MBL2: variants seen among roughly 807,000 people sequenced by gnomAD.
MBL2 encodes mannose binding lectin 2.
Under a neutral mutation model 12.7 loss-of-function variants are expected in MBL2, and 6 were observed. The observed-to-expected ratio is 0.47, with a 90% CI of 0.26 to 0.94. MBL2 has a LOEUF of 0.94. MBL2 is among the 40% of genes least tolerant of loss of function. MBL2 has a pLI of 0.15. For missense variants in MBL2, 307 were observed against 295.2 expected (o/e 1.04, Z -0.29); for synonymous variants, 114 against 112.0 (o/e 1.02, Z -0.11).
In MBL2 at chr10:52,768,193, A is replaced by T. The variant is rs777379872; in HGVS notation, c.691T>A (p.Trp231Arg). The T allele has an allele frequency of 6.2e-7, 1 of 1,613,388 alleles. No homozygotes were observed. Among genetic ancestry groups the T allele is most frequent in the South Asian group, 1.1e-5 (1 of 91,024 alleles). The change falls in exon 5 of 5, where the codon TGG becomes AGG. Residue 231 changes from tryptophan to arginine, a missense_variant. Transcript: ENST00000674931. The part of the protein sequence containing the change: ...DCVLLLKNGQ[W>R]NDVPCSTSHL... ...GAGGTGGAGCAGGGGACGTCATTCC[A>T]CTGGCCATTTTTCAGTAGCAATACA...
At chr10:52,769,393 T>C (rs935560008) in intron 3 of MBL2, 78 bp from the exon 4 acceptor site, 1 of 738,512 alleles carries the variant, frequency 1.4e-6, no homozygotes, top group African/African-American at 1.8e-5. Context: ...GAGTGGAGTA[T>C]CTTTTTCAAA....
chr10:52,771,682 T>G (rs1338704727), intron 1 of MBL2, 38 bp from the exon 2 acceptor site: 2 of 1,585,582 alleles, frequency 1.3e-6, no homozygotes, highest in African/African-American at 2.7e-5. Context: ...TAATCTCAGT[T>G]AATGAACACA....
intron 3 of MBL2, among the ~76,000 whole-genome samples, 185 bp from the exon 4 acceptor site, chr10:52,769,500 C>T (rs186462213): frequency 4.6e-5 from 7 of 152,244 alleles, no homozygotes; most frequent in African/African-American, 1.4e-4. Flanking sequence ...TATTTCCATC[C>T]AACCCCAAAT....
At chr10:52,772,642 C>G (rs147795464) in intron 1 of MBL2, 95 bp downstream of exon 1, 1 of 655,498 alleles carries the variant, frequency 1.5e-6, no homozygotes, top group Non-Finnish European at 1.9e-6. Flanking sequence ...CCACTCCCCC[C>G]ACCCCTAGAA....
At chr10:52,770,174 A>G (rs2132693193) in intron 3 of MBL2, among the ~76,000 whole-genome samples, 1 of 152,356 alleles carries the variant, frequency 6.6e-6, no homozygotes, top group African/African-American at 2.4e-5. Context: ...TCAGTTGACC[A>G]CAGACATGTG....
Position 52,768,367 on chromosome 10 carries a change from C to T in MBL2, c.517G>A (p.Ala173Thr). Residue 173 changes from alanine (A) to threonine (T), a missense_variant, in exon 5 of 5, where the codon GCC (alanine) becomes ACC (threonine). Transcript: ENST00000674931. ...ATPRNAAENG[A>T]IQNLIKEEAF... ...TCCTCCTTGATGAGATTCTGAATGG[C>T]TCCATTCTCTGCAGCATTCCTGGGG... 6.2e-7 allele frequency: 1 copy of T among 1,613,902 alleles called. No homozygotes were observed. The highest frequency in any genetic ancestry group is 1.1e-5 in the South Asian group (1 of 91,084).
Position 52,771,641 on chromosome 10 carries a change from T to C in MBL2, c.-6A>G, listed in dbSNP as rs376862775. On this transcript the variant is annotated 5_prime_UTR_variant, in exon 2 of 5. Coordinates refer to ENST00000674931, the MANE Select transcript of MBL2 (RefSeq NM_001378373.1). Reference sequence around the variant, plus strand: ...AGTGATGGAAACAGGGACATGGTCCTCACCTTGGTGTGAGAAAACTCAGGG... The same window carrying C: ...AGTGATGGAAACAGGGACATGGTCCCCACCTTGGTGTGAGAAAACTCAGGG... 2.5e-6 allele frequency: 4 copies of C among 1,612,648 alleles called. No individual in the cohort carries two copies. In the African/African-American group the frequency reaches 5.3e-5, roughly 22 times the overall value.
rs1840324722 is a variant in MBL2 at position 52,767,512 on chromosome 10, G to T, written c.*625C>A. ...GAGGAGTTATAACGGGGCTTCTAGGGAGTCAAAAATGTCCCATATCTTAAT... is the reference window on the plus strand; with the variant it reads ...GAGGAGTTATAACGGGGCTTCTAGGTAGTCAAAAATGTCCCATATCTTAAT... On this transcript the variant is annotated 3_prime_UTR_variant, in exon 5 of 5. Transcript: ENST00000674931. 6.6e-6 allele frequency: 1 copy of T among 151,894 alleles called. No individual in the cohort carries two copies. Among genetic ancestry groups the T allele is most frequent in the Non-Finnish European group, 1.5e-5 (1 of 68,016 alleles). 9.4% of individuals were successfully genotyped at this position (151,894 alleles called of 1,614,324 possible).
At chr10:52,771,781 G>T in intron 1 of MBL2, 137 bp from the exon 2 acceptor site, 1 of 1,277,536 alleles carries the variant, frequency 7.8e-7, no homozygotes, top group African/African-American at 1.5e-5. Flanking sequence ...CTGGGGATTT[G>T]GAAAAGTAAA....
At chr10:52,770,861 CCCTTCTCAGGAGAAAGGAGA>C in intron 2 of MBL2, 75 bp from the exon 3 acceptor site, 1 of 798,000 alleles carries the variant, frequency 1.3e-6, no homozygotes, top group Non-Finnish European at 1.8e-6. Context: ...GATGCCCAAT[CCCTTCTCAGGAGAAAGGAGA>C]CCTTGACCCA....
At chr10:52,769,220 G>T (rs1366526116) in intron 4 of MBL2, 27 bp downstream of exon 4, 2 of 1,540,748 alleles carry the variant, frequency 1.3e-6, no homozygotes, top group Non-Finnish European at 1.8e-6. Flanking sequence ...ACTTCAAGCT[G>T]CCTGGAGAGT....
At position 52,768,476 on chromosome 10, in the gene MBL2, G is replaced by C; in HGVS notation, c.408C>G (p.Asn136Lys). Reference protein sequence around the residue: ...LTFSLGKQVGNKFFLTNGEIM... With the variant: ...LTFSLGKQVGKKFFLTNGEIM... ...TTTCACCATTGGTCAGGAAGAACTT[G>C]TTCCCAACTTGTTTGCCCAGAGAGA... Residue 136 changes from asparagine to lysine, a missense_variant, in exon 5 of 5, where the codon AAC becomes AAG. Transcript: ENST00000674931. 1.3e-6 allele frequency: 2 copies of C among 1,588,870 alleles called. No homozygotes were observed. The highest frequency in any genetic ancestry group is 1.7e-6 in the Non-Finnish European group (2 of 1,169,284).
At chr10:52,768,640 A>G in intron 4 of MBL2, 130 bp from the exon 5 acceptor site, 1 of 609,440 alleles carries the variant, frequency 1.6e-6, no homozygotes, top group South Asian at 3.0e-5. Context: ...TGAATTTCAG[A>G]CAAACAATGA....
chr10:52,770,870 G>A (rs1449505801), intron 2 of MBL2, 84 bp from the exon 3 acceptor site: 5 of 700,960 alleles, frequency 7.1e-6, no homozygotes, highest in Non-Finnish European at 1.1e-5. Flanking sequence ...TCCCTTCTCA[G>A]GAGAAAGGAG....
At position 52,770,652 on chromosome 10, in the gene MBL2, C is replaced by T. The variant is rs771714675; in HGVS notation, c.304+18G>A. ...GAACCCTGGGTGAAGTCAGCTCAGA[C>T]CTTGCTGGGGTCCTTACCCGGACTT... On this transcript the variant is annotated intron_variant, in intron 3 of 4. Coordinates refer to ENST00000674931, the MANE Select transcript of MBL2 (RefSeq NM_001378373.1). The T allele has an allele frequency of 2.1e-6, 3 of 1,404,840 alleles. No homozygotes were observed. Among genetic ancestry groups the T allele is most frequent in the Non-Finnish European group, 1.9e-6 (2 of 1,060,112 alleles). 87.0% of individuals were successfully genotyped at this position (1,404,840 alleles called of 1,614,324 possible). A position where few individuals can be genotyped will look rare whatever the true frequency, so the allele number is the denominator to read the frequency against.
At chr10:52,771,317 G>A (rs946764022) in intron 2 of MBL2, 132 bp downstream of exon 2, 21 of 1,022,362 alleles carry the variant, frequency 2.1e-5, no homozygotes, top group Middle Eastern at 3.3e-4. Context: ...GAGAATGAGA[G>A]CTGAATCTCT....
intron 1 of MBL2, among the ~76,000 whole-genome samples, chr10:52,772,027 C>T (rs1197483979): frequency 1.3e-5 from 1 of 78,856 alleles, no homozygotes; most frequent in Non-Finnish European, 2.4e-5. Flanking sequence ...TAGGAGCTTC[C>T]TCTTTCTCTC....
At chr10:52,771,382 C>T in intron 2 of MBL2, 67 bp downstream of exon 2, 1 of 1,566,098 alleles carries the variant, frequency 6.4e-7, no homozygotes, top group Non-Finnish European at 8.7e-7. Context: ...CATCAGTCTC[C>T]TCATATCCCC....
In MBL2 at chr10:52,768,227, A is replaced by C. The variant is rs1236701333; in HGVS notation, c.657T>G (p.Asp219Glu). The C allele has an allele frequency of 6.2e-7, 1 of 1,613,812 alleles. No individual in the cohort carries two copies. Among genetic ancestry groups the C allele is most frequent in the Non-Finnish European group, 8.5e-7 (1 of 1,179,996 alleles). ...TTTTCAGTAGCAATACACAATCTTC[A>C]TCAGAACCAGCATTGTTGGGTTCAC... ...NEGEPNNAGS[D>E]EDCVLLLKNG... is the part of the protein sequence containing the mutation. Residue 219 changes from aspartate to glutamate, a missense_variant, in exon 5 of 5, where the codon GAT becomes GAG. Physicochemically the swap from Asp to Glu is conservative, Grantham distance 45. Coordinates refer to ENST00000674931, the MANE Select transcript of MBL2 (RefSeq NM_001378373.1).
Sources: gnomAD v4.1 joint callset for allele counts (sites outside exome capture counted in the v4.1 genomes callset) on GRCh38, gnomAD v4.1.1 for gene constraint, MANE v1.5 for transcripts, NCBI Gene and HGNC (gene_info 2026-07-23, HGNC 2026-07-21) for gene names.